The following TST variants were observed in gnomAD, a reference collection of about 807,000 sequenced individuals.
TST encodes thiosulfate sulfurtransferase.
In TST, 22 loss-of-function variants were observed where a neutral mutation model predicts 20.4. The ratio of observed to expected loss-of-function variants is 1.08; its 90% CI spans 0.77 to 1.54. TST has a LOEUF of 1.54. TST is among the 40% of genes most tolerant of loss of function. The probability of loss-of-function intolerance (pLI) is 0.00; values close to 1 mark genes in which losing one functional copy is unlikely to be tolerated. For synonymous variants in TST, 187 were observed against 173.8 expected (o/e 1.08, Z -0.60); for missense variants, 392 against 405.2 (o/e 0.97, Z 0.28).
At chr22:37,017,732 G>C (rs767644275) in intron 2 of TST, among the ~76,000 whole-genome samples, 1 of 152,176 alleles carries the variant, frequency 6.6e-6, no homozygotes, top group African/African-American at 2.4e-5. Context: ...TCTGCGGGAC[G>C]AGAGAGGCCT....
intron 1 of TST, 145 bp from the exon 2 acceptor site, chr22:37,018,898 T>C: frequency 3.6e-6 from 2 of 560,088 alleles, no homozygotes; most frequent in Non-Finnish European, 5.8e-6. Flanking sequence ...GGCTGGGGCG[T>C]GCAGCGGGAT....
In TST at chr22:37,010,890, T is replaced by C; in HGVS notation, c.*137A>G. The C allele has an allele frequency of 7.9e-7, 1 of 1,267,352 alleles. No individual in the cohort carries two copies. Among genetic ancestry groups the C allele is most frequent in the Non-Finnish European group, 1.1e-6 (1 of 916,656 alleles). The allele number at this position is 1,267,352 out of a possible 1,614,324, so 78.5% of individuals were successfully genotyped here. The stretch of plus-strand genomic sequence containing the variant: ...TCAGAAAAGGCAAAGTTTATTCCAG[T>C]GTTGACAGAGAGAGGGTGAGCCTTG... On this transcript the variant is annotated 3_prime_UTR_variant, in exon 3 of 3. Transcript: ENST00000249042.
intron 2 of TST, among the ~76,000 whole-genome samples, chr22:37,016,772 A>T (rs544223804): frequency 6.6e-6 from 1 of 152,288 alleles, no homozygotes; most frequent in African/African-American, 2.4e-5. Context: ...CCAGACCTTC[A>T]GAGAGCAAGC....
upstream of TST, chr22:37,020,136 G>T: frequency 2.6e-6 from 1 of 381,588 alleles, no homozygotes; most frequent in Non-Finnish European, 4.6e-6. Context: ...AGAGAGAGGA[G>T]GACAGGGAGA....
chr22:37,018,119 C>A lies in TST; in HGVS notation c.595+19G>T. The A allele has an allele frequency of 6.6e-7, 1 of 1,518,182 alleles. No individual in the cohort carries two copies. Among genetic ancestry groups the A allele is most frequent in the Non-Finnish European group, 8.8e-7 (1 of 1,130,096 alleles). The allele number at this position is 1,518,182 out of a possible 1,614,324, so 94.0% of individuals were successfully genotyped here. A position where few individuals can be genotyped will look rare whatever the true frequency, so the allele number is the denominator to read the frequency against. The stretch of plus-strand genomic sequence containing the variant: ...TGGGGCAATACTCCCCAGGGACCAC[C>A]CAGCACTGGGACACCTACCTACTGC... On this transcript the variant is annotated intron_variant, in intron 2 of 2. Transcript: ENST00000249042.
intron 2 of TST, among the ~76,000 whole-genome samples, chr22:37,016,136 G>A (rs1271588634): frequency 3.3e-5 from 5 of 151,350 alleles, no homozygotes; most frequent in Admixed American, 1.3e-4. Flanking sequence ...TAGTAGCGAC[G>A]GGGTTTCACC....
chr22:37,011,577 A>G (rs1489906431), intron 2 of TST, among the ~76,000 whole-genome samples: 1 of 152,208 alleles, frequency 6.6e-6, no homozygotes, highest in African/African-American at 2.4e-5. Context: ...GCTTGAGAAG[A>G]CAGCGGCATG....
At chr22:37,019,863 C>T, upstream of TST, 2 of 1,222,362 alleles carry the variant, frequency 1.6e-6, no homozygotes, top group Non-Finnish European at 2.0e-6. Context: ...GCCGGGAGTC[C>T]GAGACCCGGG....
At position 37,011,066 on chromosome 22, in the gene TST, T is replaced by G. The variant is rs1361959230; in HGVS notation, c.855A>C (p.Pro285=). The change falls in exon 3 of 3, where the codon CCA becomes CCC. Residue 285 remains proline, a synonymous_variant. Coordinates refer to ENST00000249042, the MANE Select transcript of TST (RefSeq NM_003312.6). The part of the protein sequence containing the change: ...SWSEWFRRAP[P]ESRVSQGKSE... ...ACTTTCCCTGGGACACACGGCTCTC[T>G]GGGGGGGCCCGGCGAAACCACTCGG... The G allele has an allele frequency of 1.2e-6, 2 of 1,611,676 alleles. No individual in the cohort carries two copies. The highest frequency in any genetic ancestry group is 1.7e-6 in the Non-Finnish European group (2 of 1,179,750).
chr22:37,011,045 TC>T lies in TST; in HGVS notation c.875del (p.Gly292GlufsTer9). 1 of 1,610,002 alleles carries T rather than the reference TC, an allele frequency of 6.2e-7. No individual in the cohort carries two copies. The highest frequency in any genetic ancestry group is 8.5e-7 in the Non-Finnish European group (1 of 1,178,674). ...TCACGGCTCAGGCCTTCTCAGACTT[TC>T]CCTGGGACACACGGCTCTCTGGGGG... The part of the protein sequence containing the change: ...RAPPESRVSQ[G>X]KSEKA On this transcript the variant is annotated frameshift_variant, in exon 3 of 3. Transcript: ENST00000249042. LOFTEE classifies it high-confidence loss of function.
intron 2 of TST, 87 bp from the exon 3 acceptor site, chr22:37,011,412 A>C: frequency 7.3e-7 from 1 of 1,376,462 alleles, no homozygotes; most frequent in Non-Finnish European, 1.0e-6. Flanking sequence ...TATAGCTGGA[A>C]GGATAGATAG....
At chr22:37,013,858 C>T (rs1922571315) in intron 2 of TST, among the ~76,000 whole-genome samples, 1 of 139,818 alleles carries the variant, frequency 7.2e-6, no homozygotes, top group African/African-American at 2.8e-5. Context: ...TTTGTTGTCC[C>T]CATCCCTGAT....
At chr22:37,019,609 C>CG (rs1743757234), upstream of TST, 2 of 237,244 alleles carry the variant, frequency 8.4e-6, no homozygotes, top group Middle Eastern at 1.4e-3. Flanking sequence ...CCGGGACCCG[C>CG]GGGGGTCTGA....
intron 2 of TST, among the ~76,000 whole-genome samples, chr22:37,013,639 T>C (rs1922563900): frequency 6.6e-6 from 1 of 152,170 alleles, no homozygotes; most frequent in South Asian, 2.1e-4. Context: ...TGATTGCATA[T>C]AACGTATAAA....
chr22:37,019,953 C>A, upstream of TST: 1 of 683,242 alleles, frequency 1.5e-6, no homozygotes, highest in Non-Finnish European at 2.1e-6. Flanking sequence ...GGGGCTCCCG[C>A]GCGGGACCTG....
rs761025400 is a variant in TST at position 37,018,576 on chromosome 22, C to A, written c.157G>T (p.Val53Leu). 3.8e-6 allele frequency: 6 copies of A among 1,562,358 alleles called. No homozygotes were observed. The South Asian group carries it at 4.7e-5, about 12-fold the overall frequency. Residue 53 changes from valine to leucine, a missense_variant, in exon 2 of 3, where the codon GTA (valine) becomes TTA (leucine). Coordinates refer to ENST00000249042, the MANE Select transcript of TST (RefSeq NM_003312.6). ...EARKEYLERH[V>L]PGASFFDIEE... is the part of the protein sequence containing the mutation. Reference sequence around the variant, plus strand: ...ATGTCAAAGAAAGAGGCGCCGGGTACGTGGCGCTCGAGGTACTCCTTGCGG... The same window carrying A: ...ATGTCAAAGAAAGAGGCGCCGGGTAAGTGGCGCTCGAGGTACTCCTTGCGG...
At position 37,018,385 on chromosome 22, in the gene TST, G is replaced by A. The variant is rs373140703; in HGVS notation, c.348C>T (p.Phe116=). Residue 116 remains phenylalanine, a synonymous_variant, in exon 2 of 3, where the codon TTC becomes TTT. Coordinates refer to ENST00000249042, the MANE Select transcript of TST (RefSeq NM_003312.6). ...ATACGGTGCGGTGGCCAAACACACG[G>A]AACATCCACCAGACCCGGGGAGCAT... is the stretch of plus-strand genomic sequence containing the variant. The part of the protein sequence containing the change: ...SFYAPRVWWM[F]RVFGHRTVSV... 20 of 1,613,810 alleles carry A rather than the reference G, an allele frequency of 1.2e-5. No individual in the cohort carries two copies. Among genetic ancestry groups the A allele is most frequent in the African/African-American group, 6.7e-5 (5 of 74,912 alleles).
chr22:37,019,870 C>G (rs529020866), upstream of TST: 143 of 1,217,686 alleles, frequency 1.2e-4, 2 homozygotes, highest in South Asian at 5.4e-3. Context: ...GTCCGAGACC[C>G]GGGTAACTGC....
upstream of TST, chr22:37,019,844 A>T (rs1922920126): frequency 2.5e-6 from 3 of 1,218,402 alleles, no homozygotes; most frequent in Non-Finnish European, 3.1e-6. Context: ...GCCATGGCGG[A>T]GCCAGGAAGC....
Sources: gnomAD v4.1 joint callset for allele counts (sites outside exome capture counted in the v4.1 genomes callset) on GRCh38, gnomAD v4.1.1 for gene constraint, MANE v1.5 for transcripts, NCBI Gene and HGNC (gene_info 2026-07-23, HGNC 2026-07-21) for gene names.